The following SLC9A6 variants were observed in gnomAD, a reference collection of about 807,000 sequenced individuals.
SLC9A6 encodes sodium/hydrogen exchanger 6.
A neutral mutation model predicts 45.3 loss-of-function variants in SLC9A6; 6 were observed. The observed-to-expected ratio is 0.13, with a 90% CI of 0.07 to 0.26. The LOEUF (loss-of-function observed/expected upper bound fraction) is 0.26, where lower values mean the gene tolerates loss of function less well. Among genes scored for constraint, SLC9A6 ranks in the 10% least tolerant of loss-of-function variants. The pLI is 1.00. For missense variants in SLC9A6, 278 were observed against 503.7 expected (o/e 0.55, Z 4.29); for synonymous variants, 191 against 187.7 (o/e 1.02, Z -0.14).
chrX:136,003,488 C>A (rs1248423133), intron 7 of SLC9A6, among the ~76,000 whole-genome samples: 1 of 111,928 alleles, frequency 8.9e-6, no homozygotes, highest in Non-Finnish European at 1.9e-5. Context: ...TCTGTGTGAA[C>A]TGCATTATTG....
At chrX:135,988,518 C>G (rs193223711) in intron 2 of SLC9A6, among the ~76,000 whole-genome samples, 2 of 86,246 alleles carry the variant, frequency 2.3e-5, no homozygotes, top group Non-Finnish European at 4.6e-5. Context: ...TTCTTTCTCT[C>G]TCTTTCTTTC....
intron 1 of SLC9A6, chrX:135,975,047 C>T: frequency 7.1e-6 from 1 of 141,764 alleles, no homozygotes; most frequent in Non-Finnish European, 1.4e-5. Context: ...CCCTGGGGAG[C>T]TCACCCATTC....
At chrX:136,041,322 C>T (rs1205321863) in intron 17 of SLC9A6, among the ~76,000 whole-genome samples, 4 of 111,206 alleles carry the variant, frequency 3.6e-5, no homozygotes, top group Non-Finnish European at 7.5e-5. Context: ...TGCCCCCATT[C>T]CCTGTGAGTG....
intron 7 of SLC9A6, 102 bp from the exon 8 acceptor site, chrX:136,010,340 T>G: frequency 2.1e-6 from 2 of 957,119 alleles, no homozygotes; most frequent in Non-Finnish European, 2.9e-6. Flanking sequence ...GAAAGCTTGT[T>G]TTTCTTCTCC....
intron 10 of SLC9A6, among the ~76,000 whole-genome samples, chrX:136,013,718 A>G (rs906921036): frequency 1.8e-5 from 2 of 111,741 alleles, no homozygotes; most frequent in African/African-American, 6.5e-5. Context: ...TCCCAATTTA[A>G]TGGCTTTTAA....
intron 7 of SLC9A6, among the ~76,000 whole-genome samples, chrX:136,004,386 GC>G (rs1170761506): frequency 1.8e-5 from 2 of 110,873 alleles, no homozygotes; most frequent in Non-Finnish European, 3.8e-5. Context: ...ACCATGCCTG[GC>G]CCCTGCCTAC....
chrX:136,016,719 G>A lies in SLC9A6; in HGVS notation c.1155G>A (p.Gln385=). ...TGGGGCTGACACTGTTCACCTTCCA[G>A]AACCATGTCTTTAACCCAACATTTG... is the stretch of plus-strand genomic sequence containing the variant. ...SYMGLTLFTF[Q]NHVFNPTFVV... The change falls in exon 11 of 18, where the codon CAG becomes CAA. Residue 385 remains glutamine, a synonymous_variant. Coordinates refer to ENST00000630721, the MANE Select transcript of SLC9A6 (RefSeq NM_001379110.1). 1 of 1,184,688 alleles carries A rather than the reference G, an allele frequency of 8.4e-7. No homozygotes were observed. The highest frequency in any genetic ancestry group is 1.1e-6 in the Non-Finnish European group (1 of 871,869).
intron 8 of SLC9A6, among the ~76,000 whole-genome samples, chrX:136,011,575 A>G (rs781859488): frequency 3.6e-5 from 4 of 111,693 alleles, no homozygotes; most frequent in Admixed American, 9.5e-5. Flanking sequence ...ACCCAAAACA[A>G]AAAGCCAGAA....
chrX:136,013,140 A>G, intron 9 of SLC9A6, 86 bp downstream of exon 9: 6 of 749,013 alleles, frequency 8.0e-6, no homozygotes, highest in Non-Finnish European at 1.3e-5. Flanking sequence ...CAGCTCCGTT[A>G]GTATTTGAAC....
At chrX:136,027,920 G>C (rs2071256894) in intron 13 of SLC9A6, among the ~76,000 whole-genome samples, 1 of 112,425 alleles carries the variant, frequency 8.9e-6, no homozygotes, top group African/African-American at 3.2e-5. Context: ...CATAGTTTGT[G>C]ACAGTCACAT....
intron 1 of SLC9A6, among the ~76,000 whole-genome samples, chrX:135,979,175 G>A (rs1416983301): frequency 3.6e-5 from 4 of 111,197 alleles, no homozygotes; most frequent in Non-Finnish European, 7.5e-5. Flanking sequence ...GCAGGGCCTA[G>A]ACGGGACCCC....
At chrX:136,020,933 G>A (rs2071116147) in intron 11 of SLC9A6, among the ~76,000 whole-genome samples, 1 of 103,857 alleles carries the variant, frequency 9.6e-6, no homozygotes, top group South Asian at 4.3e-4. Context: ...TATCTGTTCT[G>A]GCTCAGCCCA....
intron 8 of SLC9A6, among the ~76,000 whole-genome samples, chrX:136,012,033 T>C (rs1556618724): frequency 8.9e-6 from 1 of 112,498 alleles, no homozygotes; most frequent in African/African-American, 3.2e-5. Context: ...GAGCTTGCAG[T>C]GAGCCGAGAT....
intron 2 of SLC9A6, among the ~76,000 whole-genome samples, chrX:135,993,665 C>G (rs1166305156): frequency 9.0e-6 from 1 of 110,566 alleles, no homozygotes; most frequent in Non-Finnish European, 1.9e-5. Flanking sequence ...TTGGTGTGAG[C>G]CTATAATCCC....
intron 11 of SLC9A6, among the ~76,000 whole-genome samples, chrX:136,019,380 A>C (rs1318381809): frequency 8.9e-6 from 1 of 111,964 alleles, no homozygotes; most frequent in Non-Finnish European, 1.9e-5. Flanking sequence ...CTTGACCCAG[A>C]ATGTGCACAC....
At chrX:135,997,247 G>A (rs1399581490) in intron 3 of SLC9A6, among the ~76,000 whole-genome samples, 3 of 109,198 alleles carry the variant, frequency 2.7e-5, no homozygotes, top group Non-Finnish European at 3.8e-5. Flanking sequence ...AAAGAGATGG[G>A]GTTTTGCCAT....
Position 136,046,565 on chromosome X carries a change from C to T in SLC9A6, c.*1841C>T, listed in dbSNP as rs782760151. On this transcript the variant is annotated 3_prime_UTR_variant, in exon 18 of 18. Coordinates refer to ENST00000630721, the MANE Select transcript of SLC9A6 (RefSeq NM_001379110.1). ...TTAACAACTACCTTTTTTATTCTGT[C>T]GGGTTACTGACCTCACTTTATGTAA... 4 of 112,830 alleles carry T rather than the reference C, an allele frequency of 3.5e-5. No individual in the cohort carries two copies. Among genetic ancestry groups the T allele is most frequent in the South Asian group, 3.7e-4 (1 of 2,725 alleles). 9.3% of individuals were successfully genotyped at this position (112,830 alleles called of 1,213,427 possible). A position where few individuals can be genotyped will look rare whatever the true frequency, so the allele number is the denominator to read the frequency against.
At position 136,047,001 on chromosome X, in the gene SLC9A6, GT is replaced by G. The variant is rs2071610378; in HGVS notation, c.*2278del. 1 of 112,644 alleles carries G rather than the reference GT, an allele frequency of 8.9e-6. No homozygotes were observed. Among genetic ancestry groups the G allele is most frequent in the South Asian group, 3.7e-4 (1 of 2,709 alleles). 9.3% of individuals were successfully genotyped at this position (112,644 alleles called of 1,213,427 possible). On this transcript the variant is annotated 3_prime_UTR_variant, in exon 18 of 18. Transcript: ENST00000630721. ...ATCCTAGTTGTCCGTGTTTGGCAAT[GT>G]GCTGTTAAAGTAATAGACTTTTAAT...
At chrX:136,040,890 G>A (rs2071495931) in intron 17 of SLC9A6, among the ~76,000 whole-genome samples, 1 of 112,319 alleles carries the variant, frequency 8.9e-6, no homozygotes, top group South Asian at 3.7e-4. Flanking sequence ...GGGAGGCCGA[G>A]GCGGCAGATC....
Sources: allele counts gnomAD v4.1 joint callset (sites outside exome capture counted in the v4.1 genomes callset), GRCh38; gene constraint gnomAD v4.1.1; transcripts MANE v1.5; gene names NCBI Gene and HGNC (gene_info 2026-07-23, HGNC 2026-07-21).